JAK1: variants seen among roughly 807,000 people sequenced by gnomAD.
The protein encoded by JAK1 is Janus kinase 1.
A neutral mutation model predicts 136.6 loss-of-function variants in JAK1; 16 were observed. The ratio of observed to expected loss-of-function variants is 0.12; its 90% confidence interval spans 0.08 to 0.18. The LOEUF (loss-of-function observed/expected upper bound fraction) is 0.18, where lower values mean the gene tolerates loss of function less well. Ranked by LOEUF, JAK1 falls within the 10% of genes least tolerant of loss-of-function variation. JAK1 has a pLI of 1.00. For synonymous variants in JAK1, 492 were observed against 519.5 expected, an observed-to-expected ratio of 0.95 and a Z score of 0.72; for missense variants, 859 against 1,450.1, an observed-to-expected ratio of 0.59 and a Z score of 6.62.
At position 64,841,530 on chromosome 1, in the gene JAK1, G is replaced by C. The variant is rs1170754619; in HGVS notation, c.2475C>G (p.Thr825=). ...PSCKELADLM[T]RCMNYDPNQR... is the part of the protein sequence containing the mutation. ...GATTGGGGTCATAGTTCATGCAGCGGGTCATGAGGTCAGCCAGCTCCTTAC... is the reference window on the plus strand; with the variant it reads ...GATTGGGGTCATAGTTCATGCAGCGCGTCATGAGGTCAGCCAGCTCCTTAC... The change falls in exon 18 of 25, where the codon ACC becomes ACG. Residue 825 remains threonine (T), a synonymous_variant. Coordinates refer to ENST00000342505, the MANE Select transcript of JAK1 (RefSeq NM_002227.4). 6.2e-7 allele frequency: 1 copy of C among 1,613,920 alleles called. No homozygotes were observed. The highest frequency in any genetic ancestry group is 8.5e-7 in the Non-Finnish European group (1 of 1,179,948).
At chr1:64,985,684 C>T in intron 2 of JAK1, 1 of 720,666 alleles carries the variant, frequency 1.4e-6, no homozygotes, top group Non-Finnish European at 2.5e-6. Flanking sequence ...TACGTGGGCA[C>T]AAAACCTGTG....
chr1:64,865,835 C>T (rs894569999), intron 7 of JAK1, among the ~76,000 whole-genome samples: 2 of 152,168 alleles, frequency 1.3e-5, no homozygotes, highest in Admixed American at 6.5e-5. Context: ...TCATGGCTCA[C>T]TGTAGCCTTG....
rs574123523 is a variant in JAK1, at chr1:64,862,158, C to G, written c.1177-1896G>C. On this transcript the variant is annotated intron_variant, in intron 8 of 24. Transcript: ENST00000342505. ...AGGGCATGAGATTCTAAACTGGCAG[C>G]ATGGAGCAGTGGTCAACCCTCAGCT... 2.2e-4 allele frequency among the ~76,000 whole-genome samples: 33 copies of G among 152,314 alleles called. 1 individual carries two copies. In the South Asian group the frequency reaches 6.6e-3, roughly 31 times the overall value.
chr1:64,931,503 A>C (rs1645691762), intron 1 of JAK1, among the ~76,000 whole-genome samples: 1 of 151,970 alleles, frequency 6.6e-6, no homozygotes, highest in Non-Finnish European at 1.5e-5. Flanking sequence ...CCATGGCAGT[A>C]GGACACCCAG....
intron 2 of JAK1, among the ~76,000 whole-genome samples, chr1:65,014,778 G>A (rs900639877): frequency 7.3e-5 from 11 of 151,248 alleles, no homozygotes; most frequent in African/African-American, 1.9e-4. Flanking sequence ...TCTGCCTCCC[G>A]GGTTCACGCC....
At chr1:65,060,620 AAAAG>A (rs1647752391) in intron 1 of JAK1, among the ~76,000 whole-genome samples, 1 of 152,294 alleles carries the variant, frequency 6.6e-6, no homozygotes, top group Non-Finnish European at 1.5e-5. Context: ...ATTAGAAAAA[AAAAG>A]AAGCCAAGCA....
chr1:64,857,542 G>T, intron 10 of JAK1, 114 bp downstream of exon 10: 9 of 1,409,484 alleles, frequency 6.4e-6, no homozygotes, highest in Non-Finnish European at 8.7e-6. Context: ...CAGAGACCCA[G>T]GCTTTTCAGT....
intron 1 of JAK1, among the ~76,000 whole-genome samples, chr1:64,957,048 C>A (rs1401613763): frequency 1.3e-5 from 2 of 152,138 alleles, no homozygotes; most frequent in Non-Finnish European, 2.9e-5. Context: ...TAAAATGTGA[C>A]AGCAAGAAGG....
chr1:64,868,346 C>A (rs1656840675), intron 6 of JAK1, among the ~76,000 whole-genome samples: 1 of 152,126 alleles, frequency 6.6e-6, no homozygotes, highest in African/African-American at 2.4e-5. Context: ...CCCGGGTCAT[C>A]CCTGCCGCAT....
chr1:64,855,760 T>TATTA (rs1330093473), intron 10 of JAK1, 62 bp from the exon 11 acceptor site: 19 of 1,396,172 alleles, frequency 1.4e-5, no homozygotes, highest in African/African-American at 1.1e-4. Context: ...GTATGTAAGA[T>TATTA]ATTAACATTA....
In JAK1 at chr1:64,835,399, A is replaced by C; in HGVS notation, c.3366T>G (p.Asp1122Glu). 1 of 1,567,480 alleles carries C rather than the reference A, an allele frequency of 6.4e-7. No individual in the cohort carries two copies. Among genetic ancestry groups the C allele is most frequent in the South Asian group, 1.1e-5 (1 of 87,188 alleles). The change falls in exon 24 of 25, where the codon GAT (aspartate) becomes GAG (glutamate). Residue 1122 changes from aspartate (D) to glutamate (E), a missense_variant. Physicochemically the swap from Asp to Glu is conservative, Grantham distance 45 (BLOSUM62 2). Around this residue, in one of 4 missense-constraint regions of JAK1, gnomAD observed 53 missense variants for 64.8 expected, o/e 0.82. Transcript: ENST00000342505. ...KRLPCPPNCP[D>E]EVYQLMRKCW... Reference sequence around the variant, plus strand: ...CTGTGACGTGGCCCATAGATACCTCATCTGGACAGTTAGGTGGGCACGGCA... The same window carrying C: ...CTGTGACGTGGCCCATAGATACCTCCTCTGGACAGTTAGGTGGGCACGGCA...
chr1:64,938,880 C>T (rs1645837602), intron 1 of JAK1, among the ~76,000 whole-genome samples: 1 of 152,172 alleles, frequency 6.6e-6, no homozygotes, highest in Admixed American at 6.5e-5. Context: ...AATCACGGGT[C>T]TCTATCCTCC....
At chr1:64,840,278 C>T (rs1317783129) in intron 19 of JAK1, among the ~76,000 whole-genome samples, 1 of 152,168 alleles carries the variant, frequency 6.6e-6, no homozygotes, top group African/African-American at 2.4e-5. Flanking sequence ...GCACTCGCTG[C>T]ATACAGAAAC....
chr1:64,855,448 G>C, intron 11 of JAK1, 61 bp downstream of exon 11: 1 of 1,504,530 alleles, frequency 6.6e-7, no homozygotes, highest in Non-Finnish European at 9.0e-7. Context: ...TGTTTTGGTC[G>C]ATCTGGGTCT....
chr1:64,898,667 G>A (rs927302562), intron 1 of JAK1, among the ~76,000 whole-genome samples: 1 of 152,146 alleles, frequency 6.6e-6, no homozygotes, highest in African/African-American at 2.4e-5. Flanking sequence ...CAAGGGTGTG[G>A]GAGAACTTCA....
chr1:64,988,903 T>TA (rs764003132), intron 2 of JAK1, among the ~76,000 whole-genome samples: 199 of 148,034 alleles, frequency 1.3e-3, no homozygotes, highest in Non-Finnish European at 2.3e-3. Context: ...AAATAAAATT[T>TA]AAAAATATAT....
chr1:64,963,087 T>C (rs1557729844), intron 1 of JAK1, among the ~76,000 whole-genome samples: 1 of 151,862 alleles, frequency 6.6e-6, no homozygotes, highest in Non-Finnish European at 1.5e-5. Flanking sequence ...ATAAAAATAA[T>C]AATAAAAACA....
rs911154582 is a variant in JAK1, at chr1:64,988,590, A to T, written c.-78+55890T>A. Among the ~76,000 whole-genome samples the T allele has an allele frequency of 4.6e-5, 7 of 152,280 alleles. No homozygotes were observed. The South Asian group carries it at 1.2e-3, about 27-fold the overall frequency. ...AAGTGGATGCTGAATTAAGAAAAAT[A>T]AAAAATGGGCCAGTTGCAGTGGTGG... On this transcript the variant is annotated intron_variant, in intron 2 of 25. Coordinates refer to the JAK1 transcript ENST00000671954.
chr1:65,011,419 C>T (rs193226679), intron 2 of JAK1, among the ~76,000 whole-genome samples: 32 of 152,158 alleles, frequency 2.1e-4, no homozygotes, highest in Admixed American at 1.7e-3. Flanking sequence ...GAAGCTGTAG[C>T]AGCCTGGGTG....
Sources: gnomAD v4.1 joint callset for allele counts (sites outside exome capture counted in the v4.1 genomes callset) on GRCh38, gnomAD v4.1.1 for gene constraint, gnomAD v4.1.1 regional missense constraint, MANE v1.5 for transcripts, NCBI Gene and HGNC (gene_info 2026-07-23, HGNC 2026-07-21) for gene names.